Variants in MMRN1 observed in about 807,000 individuals in gnomAD.
The protein encoded by MMRN1 is multimerin-1.
Under a neutral mutation model 100.7 loss-of-function variants are expected in MMRN1, and 94 were observed. The ratio of observed to expected loss-of-function variants is 0.93; its 90% CI spans 0.79 to 1.11. The LOEUF (loss-of-function observed/expected upper bound fraction) is 1.11. MMRN1 is among the 50% of genes least tolerant of loss of function. The pLI, the probability that MMRN1 is intolerant of heterozygous loss-of-function variation, is 0.00. For synonymous variants in MMRN1, 575 were observed against 505.0 expected, an observed-to-expected ratio of 1.14 and a Z score of -1.86; for missense variants, 1,606 against 1,439.1, an observed-to-expected ratio of 1.12 and a Z score of -1.88.
At chr4:89,923,409 G>T in intron 4 of MMRN1, 137 bp downstream of exon 4, 1 of 791,732 alleles carries the variant, frequency 1.3e-6, no homozygotes, top group East Asian at 2.5e-5. Flanking sequence ...CTTTTCTACT[G>T]GTGCTGGATG....
chr4:89,901,542 G>C (rs555771586), intron 1 of MMRN1, among the ~76,000 whole-genome samples: 27 of 152,074 alleles, frequency 1.8e-4, no homozygotes, highest in Non-Finnish European at 3.2e-4. Flanking sequence ...CTAAATTCTT[G>C]TGTTGTTTTC....
chr4:89,942,619 A>G (rs1301204535), intron 6 of MMRN1, among the ~76,000 whole-genome samples: 1 of 152,158 alleles, frequency 6.6e-6, no homozygotes, highest in Non-Finnish European at 1.5e-5. Context: ...TTAGGATATA[A>G]ACCTAATTTG....
In MMRN1 at chr4:89,935,553, C is replaced by A. The variant is rs1722593180; in HGVS notation, c.1873C>A (p.Leu625Ile). ...GTTAAATCAAACATTGGCTGAAGTT[C>A]TCTTTCCAATGGACAATAAGATGGA... ...HVLNQTLAEV[L>I]FPMDNKMDKM... Residue 625 changes from leucine to isoleucine, a missense_variant, in exon 6 of 8, where the codon CTC (leucine) becomes ATC (isoleucine). Leu to Ile is a conservative substitution (Grantham distance 5, BLOSUM62 2). Transcript: ENST00000264790. 1.9e-6 allele frequency: 3 copies of A among 1,613,102 alleles called. No individual in the cohort carries two copies. Among genetic ancestry groups the A allele is most frequent in the Non-Finnish European group, 2.5e-6 (3 of 1,179,684 alleles).
At chr4:89,927,694 C>A (rs1722304543) in intron 4 of MMRN1, 101 bp from the exon 5 acceptor site, 2 of 1,032,974 alleles carry the variant, frequency 1.9e-6, no homozygotes, top group Non-Finnish European at 2.8e-6. Context: ...TGTGCTCCAG[C>A]TTACAGAAGA....
chr4:89,926,319 T>C (rs1381547344), intron 4 of MMRN1, among the ~76,000 whole-genome samples: 1 of 152,182 alleles, frequency 6.6e-6, no homozygotes, highest in East Asian at 1.9e-4. Context: ...ATATAAGCCA[T>C]TTTAACTGAG....
chr4:89,890,666 T>C (rs550368037), upstream of MMRN1, among the ~76,000 whole-genome samples: 1 of 152,274 alleles, frequency 6.6e-6, no homozygotes, highest in African/African-American at 2.4e-5. Flanking sequence ...AATATGGTTA[T>C]TTCTAAAATG....
upstream of MMRN1, chr4:89,894,751 A>C (rs754093218): frequency 4.8e-6 from 3 of 624,622 alleles, no homozygotes; most frequent in Non-Finnish European, 7.4e-6. Context: ...CAGCACTTCC[A>C]TAGAGCCATC....
chr4:89,908,698 T>C (rs553369605), intron 1 of MMRN1, among the ~76,000 whole-genome samples: 6 of 151,498 alleles, frequency 4.0e-5, no homozygotes, highest in Non-Finnish European at 5.9e-5. Context: ...AATTTTGTGA[T>C]TGAATTAATA....
intron 2 of MMRN1, 127 bp from the exon 3 acceptor site, chr4:89,911,817 C>T: frequency 1.1e-5 from 7 of 612,162 alleles, no homozygotes; most frequent in Non-Finnish European, 2.0e-5. Flanking sequence ...ATGATTATAA[C>T]AGCCGATACT....
intron 5 of MMRN1, among the ~76,000 whole-genome samples, chr4:89,933,451 C>T (rs1303398647): frequency 6.6e-6 from 1 of 152,142 alleles, no homozygotes; most frequent in African/African-American, 2.4e-5. Flanking sequence ...AACCATACCC[C>T]ACTCTGTTGG....
rs1365374056 is a variant in MMRN1, at chr4:89,912,019, T to C, written c.819T>C (p.Pro273=). ...IVTSLDWRCC[P]GYSGPKCQLR... ...CCTCATTGGATTGGAGGTGCTGTCC[T>C]GGATACAGTGGGCCGAAATGTCAAC... is the stretch of plus-strand genomic sequence containing the variant. Residue 273 remains proline (P), a synonymous_variant, in exon 3 of 8, where the codon CCT becomes CCC. Coordinates refer to ENST00000264790, the MANE Select transcript of MMRN1 (RefSeq NM_007351.3). 7 of 1,601,434 alleles carry C rather than the reference T, an allele frequency of 4.4e-6. No homozygotes were observed. In the East Asian group the frequency reaches 1.1e-4, roughly 26 times the overall value.
rs1289987729 is a variant in MMRN1, at chr4:89,920,521, AC to A, written c.851-2642del. ...CAGGAAGCTGTGAAAGGTACCTTCCACCCCCATCCCACTTCACTTACTCTTT... is the reference window on the plus strand; with the variant it reads ...CAGGAAGCTGTGAAAGGTACCTTCCACCCCATCCCACTTCACTTACTCTTT... On this transcript the variant is annotated intron_variant, in intron 3 of 7. Coordinates refer to ENST00000264790, the MANE Select transcript of MMRN1 (RefSeq NM_007351.3). 2.6e-5 allele frequency among the ~76,000 whole-genome samples: 4 copies of A among 152,098 alleles called. No individual in the cohort carries two copies. The South Asian group carries it at 8.3e-4, about 32-fold the overall frequency.
At chr4:89,917,903 G>A (rs1004726004) in intron 3 of MMRN1, among the ~76,000 whole-genome samples, 2 of 151,758 alleles carry the variant, frequency 1.3e-5, no homozygotes, top group Admixed American at 6.6e-5. Flanking sequence ...ATTTTTGAAT[G>A]TTTACTGTCT....
intron 3 of MMRN1, among the ~76,000 whole-genome samples, chr4:89,914,751 T>C (rs114177877): frequency 0.015 from 2,246 of 151,620 alleles, 68 homozygotes; most frequent in African/African-American, 0.051. Flanking sequence ...TAACATACAC[T>C]TAAATCTGTT....
upstream of MMRN1, among the ~76,000 whole-genome samples, chr4:89,893,051 T>A (rs1209299392): frequency 6.6e-6 from 1 of 152,020 alleles, no homozygotes; most frequent in Non-Finnish European, 1.5e-5. Flanking sequence ...GTTTCTTCTG[T>A]GTTTTCCAGA....
chr4:89,936,267 C>T lies in MMRN1; in HGVS notation c.2587C>T (p.Gln863Ter). The change falls in exon 6 of 8, where the codon CAA becomes TAA. Residue 863 changes from glutamine to a stop codon, truncating the protein, a stop_gained. Transcript: ENST00000264790. LOFTEE classifies it high-confidence loss of function. ...KISKNFETRL[Q>*]DIESKVTQTL... Reference sequence around the variant, plus strand: ...TTCCAAAAATTTTGAGACTCGGTTGCAAGACATTGAGTCTAAAGTTACCCA... The same window carrying T: ...TTCCAAAAATTTTGAGACTCGGTTGTAAGACATTGAGTCTAAAGTTACCCA... 6 of 1,606,174 alleles carry T rather than the reference C, an allele frequency of 3.7e-6. No homozygotes were observed. Among genetic ancestry groups the T allele is most frequent in the African/African-American group, 1.3e-5 (1 of 74,418 alleles).
chr4:89,880,397 A>G (rs1242886713), intron 1 of MMRN1, among the ~76,000 whole-genome samples: 1 of 152,186 alleles, frequency 6.6e-6, no homozygotes, highest in Admixed American at 6.6e-5. Flanking sequence ...GCACAAAATC[A>G]GTGCACAAAG....
chr4:89,882,890 C>T (rs1468937555), intron 1 of MMRN1, among the ~76,000 whole-genome samples: 1 of 151,964 alleles, frequency 6.6e-6, no homozygotes, highest in African/African-American at 2.4e-5. Flanking sequence ...CCCAGAAATA[C>T]TTTCCATGTC....
rs1322058100 is a variant in MMRN1 at position 89,921,963 on chromosome 4, C to A, written c.851-1205C>A. Among the ~76,000 whole-genome samples, 3 of 152,128 alleles carry A rather than the reference C, an allele frequency of 2.0e-5. No individual in the cohort carries two copies. The East Asian group carries it at 5.8e-4, about 29-fold the overall frequency. On this transcript the variant is annotated intron_variant, in intron 3 of 7. Coordinates refer to ENST00000264790, the MANE Select transcript of MMRN1 (RefSeq NM_007351.3). The stretch of plus-strand genomic sequence containing the variant: ...TAAACTCACCTGGGAAGAAGCACGG[C>A]TAGACACAAAACACTTGTTTCCTCA...
Sources: allele counts gnomAD v4.1 joint callset (sites outside exome capture counted in the v4.1 genomes callset), GRCh38; gene constraint gnomAD v4.1.1; transcripts MANE v1.5; gene names NCBI Gene and HGNC (gene_info 2026-07-23, HGNC 2026-07-21).